LCMT1: variants seen among roughly 807,000 people sequenced by gnomAD.
The protein encoded by LCMT1 is [Phosphatase 2A protein]-leucine-carboxy methyltransferase 1.
A neutral mutation model predicts 47.7 loss-of-function variants in LCMT1; 32 were observed. The ratio of observed to expected loss-of-function variants is 0.67; its 90% CI spans 0.51 to 0.90. The LOEUF (loss-of-function observed/expected upper bound fraction) is 0.90. Among genes scored for constraint, LCMT1 ranks in the 40% least tolerant of loss-of-function variants. The probability of loss-of-function intolerance (pLI) is 0.00; values close to 1 mark genes in which losing one functional copy is unlikely to be tolerated. For missense variants in LCMT1, 375 were observed against 415.2 expected (o/e 0.90, Z 0.84); for synonymous variants, 152 against 149.7 (o/e 1.02, Z -0.11).
At chr16:25,165,555 T>G (rs371900206) in intron 7 of LCMT1, among the ~76,000 whole-genome samples, 1 of 151,918 alleles carries the variant, frequency 6.6e-6, no homozygotes, top group Admixed American at 6.6e-5. Flanking sequence ...TTCACTCTTA[T>G]TGCCCAGGCT....
intron 5 of LCMT1, among the ~76,000 whole-genome samples, chr16:25,159,545 C>T (rs1961358487): frequency 6.6e-6 from 1 of 152,162 alleles, no homozygotes; most frequent in South Asian, 2.1e-4. Context: ...GGATTATAGG[C>T]GTGAGCCACC....
chr16:25,171,143 G>A (rs903029494), intron 9 of LCMT1, among the ~76,000 whole-genome samples: 3 of 146,002 alleles, frequency 2.1e-5, no homozygotes, highest in Admixed American at 1.4e-4. Context: ...GGCTGAGCCG[G>A]GAGAATCACT....
At chr16:25,126,458 C>T (rs894210008) in intron 1 of LCMT1, among the ~76,000 whole-genome samples, 1 of 152,276 alleles carries the variant, frequency 6.6e-6, no homozygotes, top group East Asian at 1.9e-4. Context: ...TTCTCCAGGG[C>T]TCGCCACGGC....
chr16:25,153,390 G>A (rs1025022376), intron 5 of LCMT1, among the ~76,000 whole-genome samples: 11 of 152,342 alleles, frequency 7.2e-5, no homozygotes, highest in Admixed American at 3.3e-4. Context: ...CCTTCTTGCC[G>A]TGTCATCCCA....
intron 2 of LCMT1, chr16:25,132,114 GT>G: frequency 2.2e-6 from 1 of 450,818 alleles, no homozygotes; most frequent in East Asian, 5.2e-5. Context: ...GACTTTAGAC[GT>G]TTCAATGTAA....
In LCMT1 at chr16:25,170,740, G is replaced by C; in HGVS notation, c.819G>C (p.Trp273Cys). ...AAGAACGGCTCCTGTCGAATGGGTG[G>C]GAAACAGCATCGGCCGTCGACATGA... ...SQKERLLSNG[W>C]ETASAVDMME... Residue 273 changes from tryptophan (W) to cysteine (C), a missense_variant, in exon 9 of 11, where the codon TGG (tryptophan) becomes TGC (cysteine). Transcript: ENST00000399069. 1 of 1,613,324 alleles carries C rather than the reference G, an allele frequency of 6.2e-7. No individual in the cohort carries two copies. Among genetic ancestry groups the C allele is most frequent in the Non-Finnish European group, 8.5e-7 (1 of 1,179,486 alleles).
At chr16:25,174,882 G>A (rs1961882468) in intron 9 of LCMT1, 55 bp from the exon 10 acceptor site, 2 of 883,358 alleles carry the variant, frequency 2.3e-6, no homozygotes, top group African/African-American at 3.4e-5. Context: ...TATGGGCCAT[G>A]ATCTTCATTT....
At chr16:25,132,605 A>G (rs1220443094) in intron 3 of LCMT1, 82 bp downstream of exon 3, 9 of 1,476,228 alleles carry the variant, frequency 6.1e-6, no homozygotes, top group Non-Finnish European at 8.3e-6. Flanking sequence ...ATGTAAACAT[A>G]TATTAAAAGT....
intron 4 of LCMT1, chr16:25,145,498 G>C (rs1960821353): frequency 6.6e-6 from 1 of 152,178 alleles, no homozygotes; most frequent in Admixed American, 6.5e-5. Context: ...TGGGTGGAGA[G>C]GGCTACACAA....
intron 9 of LCMT1, among the ~76,000 whole-genome samples, chr16:25,174,252 T>G (rs934076035): frequency 6.6e-6 from 1 of 152,206 alleles, no homozygotes; most frequent in African/African-American, 2.4e-5. Context: ...AAAGGCTTTT[T>G]GGGAAAAGTC....
Position 25,177,310 on chromosome 16 carries a change from CTG to C in LCMT1, c.983-689_983-688del, listed in dbSNP as rs569935017. Among the ~76,000 whole-genome samples, 380 of 152,286 alleles carry C rather than the reference CTG, an allele frequency of 2.5e-3. 1 individual carries two copies. The highest frequency in any genetic ancestry group is 8.5e-3 in the African/African-American group (353 of 41,566). ...TGACTAAGAAAATCCACCTGTATGC[CTG>C]TCAGTCAGAGATGACCTCTTGTGAC... is the stretch of plus-strand genomic sequence containing the variant. On this transcript the variant is annotated intron_variant, in intron 10 of 10. Coordinates refer to ENST00000399069, the MANE Select transcript of LCMT1 (RefSeq NM_016309.3).
rs200832575 is a variant in LCMT1 at position 25,112,734 on chromosome 16, AAG to A, written c.113+744_113+745del. The stretch of plus-strand genomic sequence containing the variant: ...ACTGGAACTCACAGCTTTGTTGGAA[AAG>A]AGAGACAGGAAGCAAATAATTACCT... On this transcript the variant is annotated intron_variant, in intron 1 of 10. Coordinates refer to ENST00000399069, the MANE Select transcript of LCMT1 (RefSeq NM_016309.3). Among the ~76,000 whole-genome samples the A allele has an allele frequency of 2.0e-3, 309 of 152,330 alleles. 4 individuals are homozygous for A. The highest frequency in any genetic ancestry group is 0.01 in the East Asian group (52 of 5,188).
intron 2 of LCMT1, among the ~76,000 whole-genome samples, chr16:25,131,287 T>C (rs1009142703): frequency 5.3e-5 from 8 of 152,232 alleles, no homozygotes; most frequent in Admixed American, 4.6e-4. Context: ...TCCTAACAAA[T>C]GCTGCACAGG....
intron 1 of LCMT1, among the ~76,000 whole-genome samples, chr16:25,125,408 T>A (rs1960135297): frequency 6.6e-6 from 1 of 152,218 alleles, no homozygotes; most frequent in South Asian, 2.1e-4. Context: ...GTGTGGTCAT[T>A]GTGTACGCAT....
chr16:25,161,221 TA>T lies in LCMT1; in HGVS notation c.569+20del. 2.2e-6 allele frequency: 3 copies of T among 1,379,492 alleles called. No individual in the cohort carries two copies. Among genetic ancestry groups the T allele is most frequent in the Non-Finnish European group, 1.0e-6 (1 of 987,730 alleles). 85.5% of individuals were successfully genotyped at this position (1,379,492 alleles called of 1,614,324 possible). ...GAATACACAGTGAGATTTTTTTTTT[TA>T]AACCTCTTCTGCATTTGTGATTTTA... On this transcript the variant is annotated intron_variant, in intron 6 of 10. Coordinates refer to ENST00000399069, the MANE Select transcript of LCMT1 (RefSeq NM_016309.3).
intron 2 of LCMT1, among the ~76,000 whole-genome samples, chr16:25,130,097 T>C (rs903665604): frequency 6.6e-6 from 1 of 152,118 alleles, no homozygotes; most frequent in Non-Finnish European, 1.5e-5. Context: ...TTCCAGCACT[T>C]TGGGAGGCCG....
chr16:25,172,331 A>C (rs777342893), intron 9 of LCMT1, among the ~76,000 whole-genome samples: 1 of 151,976 alleles, frequency 6.6e-6, no homozygotes, highest in African/African-American at 2.4e-5. Flanking sequence ...AATAGGGTAC[A>C]TAGTATTTAT....
chr16:25,176,544 T>G (rs1961946071), intron 10 of LCMT1, among the ~76,000 whole-genome samples: 2 of 139,252 alleles, frequency 1.4e-5, no homozygotes, highest in Admixed American at 1.6e-4. Flanking sequence ...TTTTGTTTTT[T>G]TTTGGCTTTT....
chr16:25,116,576 A>C (rs1179327961), intron 1 of LCMT1, among the ~76,000 whole-genome samples: 1 of 152,056 alleles, frequency 6.6e-6, no homozygotes, highest in African/African-American at 2.4e-5. Flanking sequence ...CCTGGAGGTC[A>C]GTGCCACTCT....
Sources: allele counts gnomAD v4.1 joint callset (sites outside exome capture counted in the v4.1 genomes callset), GRCh38; gene constraint gnomAD v4.1.1; transcripts MANE v1.5; gene names NCBI Gene and HGNC (gene_info 2026-07-23, HGNC 2026-07-21).